The following JMY variants were observed in gnomAD, a reference collection of about 807,000 sequenced individuals.
JMY encodes junction mediating and regulatory protein, p53 cofactor, also known as junction-mediating and -regulatory protein.
A neutral mutation model predicts 103.3 loss-of-function variants in JMY; 46 were observed. That is an observed-to-expected ratio of 0.45 (90% CI 0.35 to 0.57). The LOEUF (loss-of-function observed/expected upper bound fraction) is 0.57. Among genes scored for constraint, JMY ranks in the 20% least tolerant of loss-of-function variants. The probability of loss-of-function intolerance (pLI) is 0.00; values close to 1 mark genes in which losing one functional copy is unlikely to be tolerated. For missense variants in JMY, 1,238 were observed against 1,255.2 expected (o/e 0.99, Z 0.21); for synonymous variants, 526 against 489.3 (o/e 1.07, Z -0.99).
chr5:79,244,070 G>A (rs910073755), intron 1 of JMY, among the ~76,000 whole-genome samples: 12 of 148,866 alleles, frequency 8.1e-5, no homozygotes, highest in South Asian at 4.3e-4. Flanking sequence ...GTGTGATCTC[G>A]GCTCACTGCA....
intron 1 of JMY, among the ~76,000 whole-genome samples, chr5:79,269,735 TA>T (rs1260988881): frequency 2.6e-5 from 4 of 152,152 alleles, no homozygotes; most frequent in African/African-American, 7.2e-5. Flanking sequence ...ATTTTTTATT[TA>T]TTTTTTTTTT....
chr5:79,274,819 G>C (rs186138664), intron 1 of JMY, among the ~76,000 whole-genome samples: 3 of 152,292 alleles, frequency 2.0e-5, no homozygotes, highest in African/African-American at 7.2e-5. Flanking sequence ...TCTGGATTCT[G>C]TTATGTTCCC....
chr5:79,300,437 A>T (rs1746699461), intron 5 of JMY, 119 bp downstream of exon 5: 1 of 984,254 alleles, frequency 1.0e-6, no homozygotes, highest in South Asian at 1.9e-5. Context: ...GTAGGGATAG[A>T]GTGTGGGGGG....
chr5:79,317,271 T>TGCA (rs1747261038), intron 10 of JMY, among the ~76,000 whole-genome samples: 2 of 152,288 alleles, frequency 1.3e-5, no homozygotes, highest in Admixed American at 1.3e-4. Flanking sequence ...TAGACAAATT[T>TGCA]GCAGGTATCA....
At chr5:79,240,258 C>A (rs770588823) in intron 1 of JMY, among the ~76,000 whole-genome samples, 4 of 151,930 alleles carry the variant, frequency 2.6e-5, no homozygotes, top group Non-Finnish European at 5.9e-5. Flanking sequence ...TGGTGATCCG[C>A]CTGCCTCAGC....
chr5:79,259,276 G>A (rs530510223), intron 1 of JMY, among the ~76,000 whole-genome samples: 242 of 152,310 alleles, frequency 1.6e-3, no homozygotes, highest in Non-Finnish European at 2.4e-3. Flanking sequence ...AGACCCTGGG[G>A]TGGGCAGCTT....
intron 1 of JMY, among the ~76,000 whole-genome samples, chr5:79,248,542 C>T (rs1268970680): frequency 6.6e-6 from 1 of 151,952 alleles, no homozygotes; most frequent in Non-Finnish European, 1.5e-5. Context: ...CTCCTGACCT[C>T]AGGTGATCCA....
rs1296254761 is a variant in JMY, at chr5:79,312,438, A to C, written c.2004A>C (p.Lys668Asn). ...AATTACATGATGAAGAAGAAAGAAAAAGTGCCTGGGTTAGCCAAGAGAGAC... is the reference window on the plus strand; with the variant it reads ...AATTACATGATGAAGAAGAAAGAAACAGTGCCTGGGTTAGCCAAGAGAGAC... ...REKLHDEEER[K>N]SAWVSQERQR... is the part of the protein sequence containing the mutation. The change falls in exon 8 of 11, where the codon AAA (lysine) becomes AAC (asparagine). Residue 668 changes from lysine to asparagine, a missense_variant. Coordinates refer to ENST00000396137, the MANE Select transcript of JMY (RefSeq NM_152405.5). The C allele has an allele frequency of 6.3e-7, 1 of 1,586,962 alleles. No individual in the cohort carries two copies. The highest frequency in any genetic ancestry group is 1.4e-5 in the African/African-American group (1 of 73,216).
Position 79,266,048 on chromosome 5 carries a change from C to T in JMY, c.1033-11862C>T, listed in dbSNP as rs866254608. Among the ~76,000 whole-genome samples the T allele has an allele frequency of 9.8e-5, 15 of 152,288 alleles. No homozygotes were observed. In the South Asian group the frequency reaches 2.9e-3, roughly 29 times the overall value. ...CCACCCAACTTGGCCTCCCAAAGTG[C>T]TGGGATTATAGGTGTGAGCCACCGT... On this transcript the variant is annotated intron_variant, in intron 1 of 10. Coordinates refer to ENST00000396137, the MANE Select transcript of JMY (RefSeq NM_152405.5).
intron 1 of JMY, among the ~76,000 whole-genome samples, chr5:79,259,642 G>A (rs888144917): frequency 3.9e-5 from 6 of 152,368 alleles, no homozygotes; most frequent in East Asian, 3.9e-4. Context: ...CCCAAAGTCC[G>A]CAGCAGGCTG....
At chr5:79,309,443 C>T (rs756221240) in intron 7 of JMY, among the ~76,000 whole-genome samples, 11 of 152,084 alleles carry the variant, frequency 7.2e-5, no homozygotes, top group African/African-American at 2.2e-4. Flanking sequence ...ATTGCTGTGC[C>T]GCATCCCACA....
At chr5:79,262,474 A>G (rs754910680) in intron 1 of JMY, among the ~76,000 whole-genome samples, 1 of 152,174 alleles carries the variant, frequency 6.6e-6, no homozygotes, top group Non-Finnish European at 1.5e-5. Context: ...TTATTTTTTC[A>G]CCTGTTGAAT....
At chr5:79,284,423 T>C (rs187175973) in intron 2 of JMY, 1 of 1,480,140 alleles carries the variant, frequency 6.8e-7, no homozygotes, top group Non-Finnish European at 9.3e-7. Flanking sequence ...TTCCATCATC[T>C]TCTTCCGGAT....
chr5:79,320,886 A>T (rs967448829), intron 10 of JMY, among the ~76,000 whole-genome samples: 1 of 152,198 alleles, frequency 6.6e-6, no homozygotes, highest in Non-Finnish European at 1.5e-5. Context: ...AGCACATCTC[A>T]GTTTGAATGC....
chr5:79,314,631 T>TCCCCCCCCCCCCCCCCCCCCCCCC lies in JMY; in HGVS notation c.2444_2445insCCCCCCCCCCCCCCCCCCCCCCCC (p.Pro818_Pro825dup). 6.6e-5 allele frequency: 65 copies of TCCCCCCCCCCCCCCCCCCCCCCCC among 978,558 alleles called. No individual in the cohort carries two copies. The highest frequency in any genetic ancestry group is 2.8e-4 in the South Asian group (22 of 77,368). The allele number at this position is 978,558 out of a possible 1,614,324, so 60.6% of individuals were successfully genotyped here. ...CCCCTCTTCCTCCAACACCACCACCTCCCCCACCTCCTCCCCCTCCCCCAC... is the reference window on the plus strand; with the variant it reads ...CCCCTCTTCCTCCAACACCACCACCTCCCCCCCCCCCCCCCCCCCCCCCCCCCCCACCTCCTCCCCCTCCCCCAC... On this transcript the variant is annotated inframe_insertion, in exon 9 of 11. Coordinates refer to ENST00000396137, the MANE Select transcript of JMY (RefSeq NM_152405.5).
intron 2 of JMY, among the ~76,000 whole-genome samples, chr5:79,281,489 C>T (rs1179196476): frequency 6.6e-6 from 1 of 150,778 alleles, no homozygotes; most frequent in African/African-American, 2.4e-5. Context: ...TTTTTCAGCT[C>T]CAATATAATT....
rs772475308 is a variant in JMY at position 79,291,212 on chromosome 5, C to G, written c.1440C>G (p.Leu480=). Residue 480 remains leucine, a synonymous_variant, in exon 4 of 11, where the codon CTC becomes CTG. Coordinates refer to ENST00000396137, the MANE Select transcript of JMY (RefSeq NM_152405.5). ...WAAAAERMEK[L]QYAVSKETLQ... ...CGGCTGCTGAACGGATGGAAAAACT[C>G]CAGTATGCAGTTTCTAAGGAAACTT... is the stretch of plus-strand genomic sequence containing the variant. 3.1e-6 allele frequency: 5 copies of G among 1,613,188 alleles called. No individual in the cohort carries two copies. Among genetic ancestry groups the G allele is most frequent in the Non-Finnish European group, 3.4e-6 (4 of 1,179,594 alleles).
At chr5:79,267,305 CACCA>C (rs1745612955) in intron 1 of JMY, among the ~76,000 whole-genome samples, 6 of 152,240 alleles carry the variant, frequency 3.9e-5, no homozygotes, top group African/African-American at 1.2e-4. Flanking sequence ...GTCCTGTGTA[CACCA>C]TTATAATATA....
chr5:79,263,665 C>T (rs2112068570), intron 1 of JMY, among the ~76,000 whole-genome samples: 1 of 151,660 alleles, frequency 6.6e-6, no homozygotes, highest in African/African-American at 2.4e-5. Flanking sequence ...AGGTGTGAGC[C>T]ACCGCCTGTG....
Sources: gnomAD v4.1 joint callset for allele counts (sites outside exome capture counted in the v4.1 genomes callset) on GRCh38, gnomAD v4.1.1 for gene constraint, MANE v1.5 for transcripts, NCBI Gene and HGNC (gene_info 2026-07-23, HGNC 2026-07-21) for gene names.